The following PREX2 variants were observed in gnomAD, a reference collection of about 807,000 sequenced individuals.
PREX2 encodes phosphatidylinositol-3,4,5-trisphosphate dependent Rac exchange factor 2.
In PREX2, 107 loss-of-function variants were observed where a neutral mutation model predicts 203.2. The observed-to-expected ratio is 0.53, with a 90% CI of 0.45 to 0.62. PREX2 has a LOEUF of 0.62. Ranked by LOEUF, PREX2 falls within the 20% of genes least tolerant of loss-of-function variation. The pLI, the probability that PREX2 is intolerant of heterozygous loss-of-function variation, is 0.00. For missense variants in PREX2, 1,777 were observed against 1,955.9 expected (o/e 0.91, Z 1.72); for synonymous variants, 672 against 663.6 (o/e 1.01, Z -0.19).
At chr8:68,031,442 G>GT in intron 6 of PREX2, among the ~76,000 whole-genome samples, 1 of 152,088 alleles carries the variant, frequency 6.6e-6, no homozygotes, top group South Asian at 2.1e-4. Flanking sequence ...GCCAAATACT[G>GT]TATCACATAA....
chr8:68,003,045 A>C (rs767295191), intron 1 of PREX2, among the ~76,000 whole-genome samples: 1 of 152,194 alleles, frequency 6.6e-6, no homozygotes, highest in African/African-American at 2.4e-5. Flanking sequence ...GGACAGTTTC[A>C]AGGGAGATTT....
At chr8:68,174,617 T>C (rs1445381227) in intron 35 of PREX2, among the ~76,000 whole-genome samples, 1 of 152,176 alleles carries the variant, frequency 6.6e-6, no homozygotes, top group Non-Finnish European at 1.5e-5. Context: ...TATCAGTCTT[T>C]TAAAAATAAT....
At position 68,058,667 on chromosome 8, in the gene PREX2, T is replaced by C. The variant is rs550459567; in HGVS notation, c.1239-2012T>C. On this transcript the variant is annotated intron_variant, in intron 10 of 39. Coordinates refer to ENST00000288368, the MANE Select transcript of PREX2 (RefSeq NM_024870.4). ...CCAGGCTAGTCTCCAACTCCTGACC[T>C]CAAATGATCCATCTGCCTCCGCCTC... Among the ~76,000 whole-genome samples the C allele has an allele frequency of 2.8e-4, 43 of 152,248 alleles. 1 individual carries two copies. The South Asian group carries it at 8.1e-3, about 29-fold the overall frequency.
intron 37 of PREX2, among the ~76,000 whole-genome samples, chr8:68,194,206 G>A (rs1812349925): frequency 6.6e-6 from 1 of 152,126 alleles, no homozygotes; most frequent in Non-Finnish European, 1.5e-5. Context: ...CACCAATCAT[G>A]TGCCAGCACT....
At chr8:68,060,509 A>G (rs1368531131) in intron 10 of PREX2, among the ~76,000 whole-genome samples, 170 bp from the exon 11 acceptor site, 2 of 152,272 alleles carry the variant, frequency 1.3e-5, no homozygotes, top group African/African-American at 4.8e-5. Flanking sequence ...AGTTCAACTT[A>G]AATGGCTGTA....
At chr8:68,071,620 A>G (rs2129611639) in intron 13 of PREX2, among the ~76,000 whole-genome samples, 1 of 152,286 alleles carries the variant, frequency 6.6e-6, no homozygotes, top group South Asian at 2.1e-4. Flanking sequence ...AGTTCTGATC[A>G]TGAAATTTGG....
At chr8:68,050,222 G>T (rs1808485909) in intron 8 of PREX2, among the ~76,000 whole-genome samples, 2 of 152,104 alleles carry the variant, frequency 1.3e-5, no homozygotes, top group East Asian at 3.9e-4. Flanking sequence ...GCTGTTATTT[G>T]AGACAGTGGA....
At chr8:68,088,210 G>A (rs12547031) in intron 19 of PREX2, among the ~76,000 whole-genome samples, 70,538 of 151,918 alleles carry the variant, frequency 0.46, 16,852 homozygotes, top group African/African-American at 0.57. Context: ...TACTTCCTTC[G>A]GGTACTTTTA....
rs142088368 is a variant in PREX2 at position 68,038,123 on chromosome 8, A to G, written c.706-36A>G. ...TAATTATTTACAGAAGTGTCAACCA[A>G]GTAAGCAGACATTAATTGCATTTCT... On this transcript the variant is annotated intron_variant, in intron 6 of 39. Coordinates refer to ENST00000288368, the MANE Select transcript of PREX2 (RefSeq NM_024870.4). 932 of 1,597,046 alleles carry G rather than the reference A, an allele frequency of 5.8e-4. 4 individuals carry two copies. In the African/African-American group the frequency reaches 0.011, roughly 20 times the overall value.
At chr8:68,093,972 G>T (rs529154657) in intron 21 of PREX2, among the ~76,000 whole-genome samples, 1 of 152,158 alleles carries the variant, frequency 6.6e-6, no homozygotes, top group Non-Finnish European at 1.5e-5. Context: ...TCCTAAAATG[G>T]AAATGAATAT....
chr8:67,952,928 T>C (rs976176603), intron 1 of PREX2, among the ~76,000 whole-genome samples: 2 of 152,168 alleles, frequency 1.3e-5, no homozygotes, highest in Non-Finnish European at 2.9e-5. Flanking sequence ...TTTAAAGCTT[T>C]GGTTTTGTGA....
intron 15 of PREX2, among the ~76,000 whole-genome samples, chr8:68,078,307 A>G (rs943496844): frequency 1.3e-5 from 2 of 152,080 alleles, no homozygotes; most frequent in African/African-American, 4.8e-5. Context: ...CTGGGACTAC[A>G]AGTGCATGCC....
intron 37 of PREX2, among the ~76,000 whole-genome samples, chr8:68,215,620 C>T (rs141746117): frequency 0.012 from 1,757 of 152,048 alleles, 36 homozygotes; most frequent in African/African-American, 0.039. Context: ...CTGCAAGCTC[C>T]GCCTCCTGAG....
At chr8:68,135,098 T>TG (rs59552149) in intron 32 of PREX2, among the ~76,000 whole-genome samples, 38,168 of 104,134 alleles carry the variant, frequency 0.37, 5,072 homozygotes, top group South Asian at 0.38. Context: ...AAAAACAAAT[T>TG]TTGTGTGTGT....
chr8:68,064,766 C>A (rs1439266105), intron 11 of PREX2, among the ~76,000 whole-genome samples: 2 of 152,078 alleles, frequency 1.3e-5, no homozygotes, highest in Non-Finnish European at 2.9e-5. Context: ...GTATCTATTG[C>A]TTGTGTATAG....
At chr8:68,167,892 G>C (rs942819953) in intron 35 of PREX2, among the ~76,000 whole-genome samples, 1 of 152,136 alleles carries the variant, frequency 6.6e-6, no homozygotes, top group Admixed American at 6.6e-5. Flanking sequence ...CTTAAAATAT[G>C]ATCCCGAGAC....
intron 1 of PREX2, among the ~76,000 whole-genome samples, chr8:68,009,774 CT>C (rs760841054): frequency 3.6e-4 from 55 of 152,156 alleles, no homozygotes; most frequent in South Asian, 1.0e-3. Context: ...ATTTTATAAA[CT>C]AGTCTTATGA....
chr8:68,068,388 T>C (rs1235578803), intron 11 of PREX2, among the ~76,000 whole-genome samples: 1 of 152,026 alleles, frequency 6.6e-6, no homozygotes, highest in Admixed American at 6.6e-5. Flanking sequence ...AACGGTCTTG[T>C]TTTCCAATAA....
At chr8:68,081,520 A>G (rs1270341028) in intron 17 of PREX2, among the ~76,000 whole-genome samples, 1 of 152,142 alleles carries the variant, frequency 6.6e-6, no homozygotes, top group Non-Finnish European at 1.5e-5. Context: ...AGCCCCGTGG[A>G]GACTGCATAG....
Sources: gnomAD v4.1 joint callset for allele counts (sites outside exome capture counted in the v4.1 genomes callset) on GRCh38, gnomAD v4.1.1 for gene constraint, MANE v1.5 for transcripts, NCBI Gene and HGNC (gene_info 2026-07-23, HGNC 2026-07-21) for gene names.